Variants in TSHZ1 observed in about 807,000 individuals in gnomAD.
The protein encoded by TSHZ1 is teashirt zinc finger homeobox 1.
In TSHZ1, 12 loss-of-function variants were observed where a neutral mutation model predicts 67.1. The ratio of observed to expected loss-of-function variants is 0.18; its 90% CI spans 0.11 to 0.29. The LOEUF is 0.29. TSHZ1 is among the 10% of genes least tolerant of loss of function. TSHZ1 has a pLI of 1.00. For synonymous variants in TSHZ1, 632 were observed against 622.4 expected, an observed-to-expected ratio of 1.02 and a Z score of -0.23; for missense variants, 1,305 against 1,413.9, an observed-to-expected ratio of 0.92 and a Z score of 1.23.
At position 75,288,672 on chromosome 18, in the gene TSHZ1, T is replaced by C. The variant is rs772311347; in HGVS notation, c.*31T>C. The C allele has an allele frequency of 1.3e-6, 2 of 1,541,802 alleles. No individual in the cohort carries two copies. The highest frequency in any genetic ancestry group is 2.0e-5 in the Admixed American group (1 of 48,870). On this transcript the variant is annotated 3_prime_UTR_variant, in exon 2 of 2. Transcript: ENST00000580243. This position sits in a 1 kb window ranked among gnomAD's most constrained non-coding sequence, Gnocchi z 4.9. ...AGGTATGCAAGAGACCGCGGAACATTGCACTAAACGTCGTCGAGCTGCACT... is the reference window on the plus strand; with the variant it reads ...AGGTATGCAAGAGACCGCGGAACATCGCACTAAACGTCGTCGAGCTGCACT...
chr18:75,260,509 ATCTC>A (rs918645625), intron 1 of TSHZ1, among the ~76,000 whole-genome samples: 21 of 152,222 alleles, frequency 1.4e-4, no homozygotes, highest in Admixed American at 6.5e-5. Context: ...CACCAGCAGA[ATCTC>A]TGTCTGTGTC....
chr18:75,260,336 G>A (rs1349859484), intron 1 of TSHZ1, among the ~76,000 whole-genome samples: 13 of 152,114 alleles, frequency 8.5e-5, no homozygotes, highest in African/African-American at 1.7e-4. Context: ...TATTGCTTAC[G>A]GCATTTTGTT....
At chr18:75,251,275 A>G (rs2023300141) in intron 1 of TSHZ1, among the ~76,000 whole-genome samples, 1 of 152,204 alleles carries the variant, frequency 6.6e-6, no homozygotes, top group South Asian at 2.1e-4. Flanking sequence ...CAAAAAAAGC[A>G]TTATTCAAGA....
At chr18:75,285,310 A>G in intron 1 of TSHZ1, 138 bp from the exon 2 acceptor site, 3 of 1,029,778 alleles carry the variant, frequency 2.9e-6, no homozygotes, top group Non-Finnish European at 4.0e-6. Flanking sequence ...AAAGGGGTAG[A>G]TATGTAAACT....
At chr18:75,256,432 T>C (rs1205385036) in intron 1 of TSHZ1, among the ~76,000 whole-genome samples, 2 of 152,224 alleles carry the variant, frequency 1.3e-5, no homozygotes, top group Non-Finnish European at 1.5e-5. Flanking sequence ...ATAGTTATTC[T>C]GAAGCCTAAA....
chr18:75,249,249 C>T lies in TSHZ1; in HGVS notation c.41-36199C>T, dbSNP rs574681754. ...CCTGCAACTCCTCTGGTGGAGACCC[C>T]GGAGCCACACGGGTTGAGAGCCCTG... On this transcript the variant is annotated intron_variant, in intron 1 of 1. Coordinates refer to ENST00000580243, the MANE Select transcript of TSHZ1 (RefSeq NM_001308210.2). Among the ~76,000 whole-genome samples the T allele has an allele frequency of 5.1e-3, 775 of 152,264 alleles. 9 individuals are homozygous for T. The highest frequency in any genetic ancestry group is 0.018 in the African/African-American group (753 of 41,542).
At chr18:75,233,528 C>T (rs986253525) in intron 1 of TSHZ1, among the ~76,000 whole-genome samples, 7 of 152,118 alleles carry the variant, frequency 4.6e-5, no homozygotes, top group African/African-American at 1.4e-4. Context: ...CAGTTGTTAA[C>T]GTCTGAGAAG....
Position 75,281,647 on chromosome 18 carries a change from G to A in TSHZ1, c.41-3801G>A, listed in dbSNP as rs1428905220. ...TGAGATTGGCCAGAGAGAGGCTGCA[G>A]TAAGAACGGGCAAGAGCAGGAGGCA... On this transcript the variant is annotated intron_variant, in intron 1 of 1. Coordinates refer to ENST00000580243, the MANE Select transcript of TSHZ1 (RefSeq NM_001308210.2). This position sits in a 1 kb window ranked among gnomAD's most constrained non-coding sequence, Gnocchi z 5.3. 1.3e-5 allele frequency among the ~76,000 whole-genome samples: 2 copies of A among 152,180 alleles called. No homozygotes were observed. Among genetic ancestry groups the A allele is most frequent in the Non-Finnish European group, 2.9e-5 (2 of 68,024 alleles).
rs1436545304 is a variant in TSHZ1 at position 75,261,997 on chromosome 18, T to G, written c.41-23451T>G. 2.6e-5 allele frequency among the ~76,000 whole-genome samples: 4 copies of G among 152,290 alleles called. No individual in the cohort carries two copies. In the East Asian group the frequency reaches 5.8e-4, roughly 22 times the overall value. ...TATTCTCTCCAGGAGACAGGGGTTGTGCCTGGTGTGACTTCAGAGTGCAGG... is the reference window on the plus strand; with the variant it reads ...TATTCTCTCCAGGAGACAGGGGTTGGGCCTGGTGTGACTTCAGAGTGCAGG... On this transcript the variant is annotated intron_variant, in intron 1 of 1. Coordinates refer to ENST00000580243, the MANE Select transcript of TSHZ1 (RefSeq NM_001308210.2).
chr18:75,217,176 A>C (rs1376212538), intron 1 of TSHZ1, among the ~76,000 whole-genome samples: 1 of 152,260 alleles, frequency 6.6e-6, no homozygotes, highest in Non-Finnish European at 1.5e-5. Flanking sequence ...AGGCCTCTGC[A>C]GAGGGCTGCT....
chr18:75,281,104 G>T lies in TSHZ1; in HGVS notation c.41-4344G>T, dbSNP rs771196974. On this transcript the variant is annotated intron_variant, in intron 1 of 1. Transcript: ENST00000580243. The surrounding 1 kb of genome is among the most constrained non-coding windows in gnomAD (Gnocchi z 5.3). ...GGACACGCAGCTTCAGCAAAGGCTT[G>T]CACTCAGGGTTGTCGGGAGCACAGC... Among the ~76,000 whole-genome samples, 2 of 152,202 alleles carry T rather than the reference G, an allele frequency of 1.3e-5. No individual in the cohort carries two copies. Among genetic ancestry groups the T allele is most frequent in the Non-Finnish European group, 2.9e-5 (2 of 68,042 alleles).
chr18:75,222,500 ACGCAGAGCTC>A (rs2022860381), intron 1 of TSHZ1, among the ~76,000 whole-genome samples: 1 of 151,902 alleles, frequency 6.6e-6, no homozygotes, highest in South Asian at 2.1e-4. Context: ...TCCTCTCTCT[ACGCAGAGCTC>A]CGAGAAGCTG....
At chr18:75,269,734 C>T (rs147495479) in intron 1 of TSHZ1, among the ~76,000 whole-genome samples, 3 of 152,184 alleles carry the variant, frequency 2.0e-5, no homozygotes, top group African/African-American at 7.2e-5. Flanking sequence ...GCCATCACCA[C>T]CCCATCCATT....
At chr18:75,269,472 G>T (rs1012399249) in intron 1 of TSHZ1, among the ~76,000 whole-genome samples, 19 of 152,074 alleles carry the variant, frequency 1.2e-4, no homozygotes, top group Non-Finnish European at 2.6e-4. Flanking sequence ...ATGAGCTGGG[G>T]GAAGTTGGGG....
rs939253675 is a variant in TSHZ1, at chr18:75,288,795, T to C, written c.*154T>C. ...ACACATATTTTGTATATTTATATGC[T>C]CTCTGTCCGATCTGTGCATGTTATT... is the stretch of plus-strand genomic sequence containing the variant. On this transcript the variant is annotated 3_prime_UTR_variant, in exon 2 of 2. Transcript: ENST00000580243. This position sits in a 1 kb window ranked among gnomAD's most constrained non-coding sequence, Gnocchi z 4.9. 3.2e-6 allele frequency: 4 copies of C among 1,259,240 alleles called. No homozygotes were observed. Among genetic ancestry groups the C allele is most frequent in the African/African-American group, 1.5e-5 (1 of 65,854 alleles). 78.0% of individuals were successfully genotyped at this position (1,259,240 alleles called of 1,614,324 possible).
At chr18:75,277,528 C>T (rs890661260) in intron 1 of TSHZ1, among the ~76,000 whole-genome samples, 6 of 152,070 alleles carry the variant, frequency 3.9e-5, no homozygotes, top group African/African-American at 1.4e-4. Context: ...GGTGGGAGAT[C>T]AAGGCAGCAG....
chr18:75,277,682 C>T (rs1433035632), intron 1 of TSHZ1, among the ~76,000 whole-genome samples: 1 of 152,122 alleles, frequency 6.6e-6, no homozygotes, highest in East Asian at 1.9e-4. Flanking sequence ...TTCTTGAGGG[C>T]TCTTTCCTGG....
intron 1 of TSHZ1, among the ~76,000 whole-genome samples, chr18:75,274,159 G>C (rs1055189651): frequency 6.6e-6 from 1 of 152,206 alleles, no homozygotes; most frequent in Non-Finnish European, 1.5e-5. Context: ...CTCAGGAAGG[G>C]TGGGGGAGTG....
intron 1 of TSHZ1, among the ~76,000 whole-genome samples, chr18:75,240,831 A>G (rs914315182): frequency 6.6e-6 from 1 of 152,222 alleles, no homozygotes; most frequent in Non-Finnish European, 1.5e-5. Context: ...ATTACAAGAC[A>G]CAAACCTACT....
Sources: gnomAD v4.1 joint callset for allele counts (sites outside exome capture counted in the v4.1 genomes callset) on GRCh38, gnomAD v4.1.1 for gene constraint, Gnocchi (gnomAD v3.1) non-coding constraint, MANE v1.5 for transcripts, NCBI Gene and HGNC (gene_info 2026-07-23, HGNC 2026-07-21) for gene names.